Variants in FHOD3 observed in about 807,000 individuals in gnomAD.
FHOD3 encodes FH1/FH2 domain-containing protein 3.
In FHOD3, 90 loss-of-function variants were observed where a neutral mutation model predicts 173.0. The observed-to-expected ratio is 0.52, with a 90% CI of 0.44 to 0.62. The LOEUF is 0.62. Among genes scored for constraint, FHOD3 ranks in the 20% least tolerant of loss-of-function variants. The pLI is 0.00. For synonymous variants in FHOD3, 828 were observed against 823.0 expected (o/e 1.01, Z -0.10); for missense variants, 1,945 against 2,034.7 (o/e 0.96, Z 0.85).
chr18:36,470,086 C>T (rs2053189305), intron 3 of FHOD3, among the ~76,000 whole-genome samples: 5 of 152,108 alleles, frequency 3.3e-5, no homozygotes, highest in South Asian at 4.1e-4. Context: ...GGTAGGAGAG[C>T]GGGGTGCCCG....
At chr18:36,688,944 A>G (rs1196561219) in intron 16 of FHOD3, among the ~76,000 whole-genome samples, 1 of 152,220 alleles carries the variant, frequency 6.6e-6, no homozygotes, top group Non-Finnish European at 1.5e-5. Context: ...GGTTCTGCCC[A>G]TAGTCTTTGC....
At chr18:36,300,277 A>G (rs1001765399) in intron 1 of FHOD3, among the ~76,000 whole-genome samples, 1 of 152,214 alleles carries the variant, frequency 6.6e-6, no homozygotes, top group African/African-American at 2.4e-5. Context: ...GGAACCAGGT[A>G]TATGGCTGTG....
intron 3 of FHOD3, among the ~76,000 whole-genome samples, chr18:36,485,192 A>G (rs1599337501): frequency 6.6e-6 from 1 of 152,258 alleles, no homozygotes; most frequent in East Asian, 1.9e-4. Context: ...ATCATGTACC[A>G]GTCAGAGGTT....
chr18:36,550,809 A>T (rs1262148205), intron 5 of FHOD3, among the ~76,000 whole-genome samples: 1 of 152,124 alleles, frequency 6.6e-6, no homozygotes, highest in Non-Finnish European at 1.5e-5. Context: ...TATTAGTTCT[A>T]CTAGCTTTTC....
intron 3 of FHOD3, among the ~76,000 whole-genome samples, chr18:36,484,602 C>T (rs564161286): frequency 6.6e-6 from 1 of 152,284 alleles, no homozygotes; most frequent in African/African-American, 2.4e-5. Context: ...TGCTTCCTTG[C>T]AAAGCAACAG....
At chr18:36,679,486 T>C (rs773812889) in intron 14 of FHOD3, among the ~76,000 whole-genome samples, 4 of 152,156 alleles carry the variant, frequency 2.6e-5, no homozygotes, top group Non-Finnish European at 5.9e-5. Flanking sequence ...TGATCACTCA[T>C]TAATTTTTAC....
At chr18:36,616,932 T>C (rs2033255242) in intron 9 of FHOD3, among the ~76,000 whole-genome samples, 2 of 152,192 alleles carry the variant, frequency 1.3e-5, no homozygotes, top group Admixed American at 1.3e-4. Flanking sequence ...CCTTTTTTCA[T>C]GATTCAGATG....
intron 3 of FHOD3, among the ~76,000 whole-genome samples, chr18:36,467,979 C>A (rs1015283526): frequency 2.5e-4 from 38 of 152,356 alleles, no homozygotes; most frequent in African/African-American, 8.9e-4. Context: ...TTTGCACAGT[C>A]TGAAGGCAGA....
In FHOD3 at chr18:36,718,407, C is replaced by T. The variant is rs199955061; in HGVS notation, c.3109C>T (p.Pro1037Ser). 1.9e-6 allele frequency: 3 copies of T among 1,577,816 alleles called. No homozygotes were observed. The East Asian group carries it at 6.8e-5, about 36-fold the overall frequency. Residue 1037 changes from proline to serine, a missense_variant, in exon 19 of 29, where the codon CCT (proline) becomes TCT (serine). Pro to Ser is a moderately conservative substitution (Grantham distance 74, BLOSUM62 -1). This residue lies in a region of FHOD3 where 1,099 missense variants were observed against 1,051.2 expected (regional missense o/e 1.05). Coordinates refer to ENST00000590592, the MANE Select transcript of FHOD3 (RefSeq NM_001281740.3). ...CTTTCTGGGTTTGCCGCCCCCACCC[C>T]CTCCGCCCCTGTTGGACAGCATTCC... ...PTFLGLPPPP[P>S]PPLLDSIPPP...
At chr18:36,402,967 G>A (rs1179801185) in intron 3 of FHOD3, among the ~76,000 whole-genome samples, 3 of 152,232 alleles carry the variant, frequency 2.0e-5, no homozygotes, top group Non-Finnish European at 4.4e-5. Flanking sequence ...AGCTGGCAAG[G>A]CCATAGGAAA....
chr18:36,502,413 G>A (rs2055086320), intron 4 of FHOD3, among the ~76,000 whole-genome samples: 1 of 152,006 alleles, frequency 6.6e-6, no homozygotes. Flanking sequence ...CCTACCCACT[G>A]ACAGGCCCTG....
chr18:36,339,020 C>T (rs2048649318), intron 1 of FHOD3, among the ~76,000 whole-genome samples: 2 of 152,254 alleles, frequency 1.3e-5, no homozygotes, highest in South Asian at 4.1e-4. Context: ...CTGCTCTCCC[C>T]CTGCCCAGGG....
chr18:36,696,830 G>A (rs1406979971), intron 17 of FHOD3, among the ~76,000 whole-genome samples: 1 of 152,176 alleles, frequency 6.6e-6, no homozygotes, highest in Non-Finnish European at 1.5e-5. Flanking sequence ...GCACTGTGTT[G>A]GAATTAATGG....
At chr18:36,322,851 A>G (rs906213927) in intron 1 of FHOD3, among the ~76,000 whole-genome samples, 4 of 152,078 alleles carry the variant, frequency 2.6e-5, no homozygotes, top group Non-Finnish European at 4.4e-5. Flanking sequence ...TCTGGCATTA[A>G]TTCACTCACT....
At chr18:36,373,571 A>G (rs1243920370) in intron 3 of FHOD3, among the ~76,000 whole-genome samples, 2 of 152,198 alleles carry the variant, frequency 1.3e-5, no homozygotes, top group Non-Finnish European at 2.9e-5. Flanking sequence ...ATGTGATTTC[A>G]CTTCATTTGG....
At chr18:36,364,107 T>A (rs999925103) in intron 2 of FHOD3, among the ~76,000 whole-genome samples, 1 of 152,196 alleles carries the variant, frequency 6.6e-6, no homozygotes, top group Non-Finnish European at 1.5e-5. Context: ...TCATCATAGT[T>A]ACAATGCAGC....
At chr18:36,516,227 G>T (rs746711067) in intron 5 of FHOD3, among the ~76,000 whole-genome samples, 4 of 152,078 alleles carry the variant, frequency 2.6e-5, no homozygotes, top group Non-Finnish European at 5.9e-5. Flanking sequence ...TGCTGTCTTC[G>T]GTGGGGACTG....
intron 5 of FHOD3, among the ~76,000 whole-genome samples, chr18:36,526,368 A>G (rs537861332): frequency 6.6e-6 from 1 of 152,162 alleles, no homozygotes; most frequent in East Asian, 1.9e-4. Context: ...TGTATCATTT[A>G]TTTCAAAGAT....
intron 14 of FHOD3, among the ~76,000 whole-genome samples, chr18:36,670,423 A>C (rs995842204): frequency 6.6e-6 from 1 of 151,532 alleles, no homozygotes; most frequent in African/African-American, 2.4e-5. Flanking sequence ...GATTTTTTTC[A>C]TTTTGCTTCA....
Sources: gnomAD v4.1 joint callset for allele counts (sites outside exome capture counted in the v4.1 genomes callset) on GRCh38, gnomAD v4.1.1 for gene constraint, gnomAD v4.1.1 regional missense constraint, MANE v1.5 for transcripts, NCBI Gene and HGNC (gene_info 2026-07-23, HGNC 2026-07-21) for gene names.